The following PDXDC1 variants were observed in gnomAD, a reference collection of about 807,000 sequenced individuals.
PDXDC1 encodes pyridoxal-dependent decarboxylase domain-containing protein 1.
In PDXDC1, 42 loss-of-function variants were observed where a neutral mutation model predicts 100.1. The ratio of observed to expected loss-of-function variants is 0.42; its 90% CI spans 0.33 to 0.54. The LOEUF (loss-of-function observed/expected upper bound fraction) is 0.54, where lower values mean the gene tolerates loss of function less well. PDXDC1 is among the 20% of genes least tolerant of loss of function. The pLI is 0.10. For synonymous variants in PDXDC1, 260 were observed against 371.7 expected, an observed-to-expected ratio of 0.70 and a Z score of 3.46; for missense variants, 636 against 979.2, an observed-to-expected ratio of 0.65 and a Z score of 4.68.
At chr16:15,132,464 A>C (rs1158111386) in intron 16 of PDXDC1, among the ~76,000 whole-genome samples, 4 of 140,566 alleles carry the variant, frequency 2.8e-5, no homozygotes, top group African/African-American at 1.1e-4. Flanking sequence ...AAGGCACAGA[A>C]CAGCATCTTC....
At chr16:15,033,048 C>A in intron 18 of PDXDC1, 69 bp downstream of exon 18, 1 of 1,080,522 alleles carries the variant, frequency 9.3e-7, no homozygotes. Flanking sequence ...TTGAAGACGA[C>A]GGCTCATCCC....
chr16:15,075,256 A>G (rs2045402756), intron 16 of PDXDC1, among the ~76,000 whole-genome samples: 1 of 151,612 alleles, frequency 6.6e-6, no homozygotes, highest in Non-Finnish European at 1.5e-5. Flanking sequence ...CCACCAAAAA[A>G]AAAAAAAAAA....
At chr16:15,126,270 C>G in intron 16 of PDXDC1, among the ~76,000 whole-genome samples, 1 of 138,428 alleles carries the variant, frequency 7.2e-6, no homozygotes, top group South Asian at 2.5e-4. Flanking sequence ...CTCCTGACCT[C>G]AAGTGATCTG....
chr16:15,135,819 C>T (rs2048322443), intron 16 of PDXDC1: 7 of 1,506,418 alleles, frequency 4.6e-6, no homozygotes, highest in Middle Eastern at 4.8e-4. Flanking sequence ...GCCACCGTCA[C>T]ATTGGCCTGG....
At chr16:15,095,565 G>C (rs1191778820) in intron 16 of PDXDC1, among the ~76,000 whole-genome samples, 1 of 152,048 alleles carries the variant, frequency 6.6e-6, no homozygotes, top group Non-Finnish European at 1.5e-5. Context: ...AAATGCATAT[G>C]TATGGGCCCG....
chr16:15,130,979 A>G (rs2048023998), intron 16 of PDXDC1: 1 of 812,942 alleles, frequency 1.2e-6, no homozygotes, highest in East Asian at 2.7e-5. Context: ...GCAGCCCATG[A>G]AACAGAAAGC....
chr16:15,094,904 C>G (rs1036788462), intron 16 of PDXDC1: 5 of 152,236 alleles, frequency 3.3e-5, no homozygotes, highest in African/African-American at 1.2e-4. Context: ...GTGGTGTGAT[C>G]TCAGCTCACT....
intron 16 of PDXDC1, among the ~76,000 whole-genome samples, chr16:15,062,161 A>G (rs1180719165): frequency 6.6e-6 from 1 of 152,182 alleles, no homozygotes; most frequent in Non-Finnish European, 1.5e-5. Context: ...GAAAAACAGA[A>G]CAGAACAAAA....
intron 16 of PDXDC1, chr16:15,104,866 C>G (rs2046735303): frequency 6.6e-7 from 1 of 1,520,758 alleles, no homozygotes; most frequent in African/African-American, 1.4e-5. Flanking sequence ...ATTTTTGCAC[C>G]TTTCCATCCT....
At chr16:15,075,800 T>G (rs1178147684) in intron 16 of PDXDC1, among the ~76,000 whole-genome samples, 1 of 152,102 alleles carries the variant, frequency 6.6e-6, no homozygotes, top group East Asian at 1.9e-4. Context: ...GTGCTTTTGG[T>G]GCCGGGCCCC....
At chr16:15,059,992 T>C in intron 16 of PDXDC1, 1 of 140,156 alleles carries the variant, frequency 7.1e-6, no homozygotes, top group Non-Finnish European at 1.6e-5. Flanking sequence ...TTTAATACAT[T>C]AAATTAAAAA....
At chr16:15,051,478 T>G (rs1236024409) in intron 16 of PDXDC1, among the ~76,000 whole-genome samples, 6 of 149,982 alleles carry the variant, frequency 4.0e-5, no homozygotes, top group Non-Finnish European at 8.9e-5. Flanking sequence ...CCCAAGGAGC[T>G]GGGAACTACA....
intron 16 of PDXDC1, among the ~76,000 whole-genome samples, chr16:15,105,027 CCA>C (rs2151857642): frequency 6.8e-6 from 1 of 146,562 alleles, no homozygotes; most frequent in East Asian, 2.1e-4. Flanking sequence ...GGGTCCTGCC[CCA>C]GGGAAGACAG....
intron 1 of PDXDC1, among the ~76,000 whole-genome samples, chr16:14,980,143 T>A (rs1388641129): frequency 6.6e-6 from 1 of 152,294 alleles, no homozygotes; most frequent in Non-Finnish European, 1.5e-5. Context: ...CATTCTTGAT[T>A]TATTCAATTT....
intron 8 of PDXDC1, among the ~76,000 whole-genome samples, chr16:15,010,760 G>T: frequency 6.6e-6 from 1 of 152,276 alleles, no homozygotes; most frequent in Non-Finnish European, 1.5e-5. Flanking sequence ...TGGAACTAAT[G>T]ATCAAATCTA....
At chr16:15,095,861 GGTGTGTGTGTGTGTGT>G (rs113527217) in intron 16 of PDXDC1, among the ~76,000 whole-genome samples, 2 of 134,358 alleles carry the variant, frequency 1.5e-5, no homozygotes, top group African/African-American at 2.7e-5. Context: ...AAAAAAAAAA[GGTGTGTGTGTGTGTGT>G]GTGTGTGTGT....
chr16:14,997,732 C>CTT (rs11421981), intron 1 of PDXDC1, 21 bp from the exon 2 acceptor site: 3,106 of 1,490,886 alleles, frequency 2.1e-3, no homozygotes, highest in Middle Eastern at 2.5e-3. Context: ...AAATTTCTTT[C>CTT]TTTTTTTTTT....
intron 16 of PDXDC1, among the ~76,000 whole-genome samples, chr16:15,053,561 T>C (rs970169828): frequency 6.6e-6 from 1 of 152,232 alleles, no homozygotes; most frequent in Non-Finnish European, 1.5e-5. Flanking sequence ...CATACTTTTT[T>C]TTCTGTATTA....
intron 16 of PDXDC1, chr16:15,104,277 T>A: frequency 7.1e-7 from 1 of 1,410,758 alleles, no homozygotes; most frequent in South Asian, 1.4e-5. Flanking sequence ...TCATACCAGA[T>A]ATTGAAACAA....
Sources: allele counts gnomAD v4.1 joint callset (sites outside exome capture counted in the v4.1 genomes callset), GRCh38; gene constraint gnomAD v4.1.1; transcripts MANE v1.5; gene names NCBI Gene and HGNC (gene_info 2026-07-23, HGNC 2026-07-21).